The following MYO3B variants were observed in gnomAD, a reference collection of about 807,000 sequenced individuals.
MYO3B encodes the protein myosin-IIIb.
MYO3B carries 156 observed loss-of-function variants against 174.6 expected under a neutral mutation model. The ratio of observed to expected loss-of-function variants is 0.89; its 90% confidence interval spans 0.78 to 1.02. The LOEUF is 1.02. MYO3B is among the 50% of genes least tolerant of loss of function. MYO3B has a pLI of 0.00. For missense variants in MYO3B, 1,632 were observed against 1,639.4 expected (o/e 1.00, Z 0.08); for synonymous variants, 563 against 569.1 (o/e 0.99, Z 0.15).
chr2:170,459,831 G>T (rs1684147687), intron 23 of MYO3B, among the ~76,000 whole-genome samples: 1 of 152,164 alleles, frequency 6.6e-6, no homozygotes, highest in African/African-American at 2.4e-5. Context: ...GTGGGCAGGT[G>T]GGGGACCTGG....
intron 8 of MYO3B, among the ~76,000 whole-genome samples, chr2:170,366,073 G>A (rs2094195841): frequency 6.6e-6 from 1 of 152,116 alleles, no homozygotes; most frequent in Non-Finnish European, 1.5e-5. Flanking sequence ...CTTTTTGCAT[G>A]CAGTGGTGGT....
At chr2:170,561,585 A>G (rs1691714690) in intron 32 of MYO3B, among the ~76,000 whole-genome samples, 1 of 152,226 alleles carries the variant, frequency 6.6e-6, no homozygotes, top group Admixed American at 6.5e-5. Context: ...TCATGTTCCC[A>G]TCAGGATCTG....
intron 6 of MYO3B, 106 bp from the exon 7 acceptor site, chr2:170,235,885 C>T (rs1213110408): frequency 1.3e-5 from 17 of 1,350,962 alleles, no homozygotes; most frequent in Admixed American, 1.2e-4. Flanking sequence ...TCAATATCAT[C>T]GTGGCCAAGA....
At chr2:170,185,720 A>G (rs947478977) in intron 1 of MYO3B, among the ~76,000 whole-genome samples, 1 of 152,184 alleles carries the variant, frequency 6.6e-6, no homozygotes, top group African/African-American at 2.4e-5. Context: ...TTGAATCTGT[A>G]GATTGCTTTG....
intron 32 of MYO3B, among the ~76,000 whole-genome samples, chr2:170,580,375 T>C (rs1330230549): frequency 6.6e-6 from 1 of 152,248 alleles, no homozygotes; most frequent in Non-Finnish European, 1.5e-5. Context: ...CAGTGGCTCA[T>C]GCCTGTAATC....
At chr2:170,424,074 A>G (rs1489632793) in intron 22 of MYO3B, among the ~76,000 whole-genome samples, 1 of 152,342 alleles carries the variant, frequency 6.6e-6, no homozygotes, top group South Asian at 2.1e-4. Flanking sequence ...TGAATATCCA[A>G]TAGGTATCTT....
chr2:170,217,223 A>C, intron 5 of MYO3B, 96 bp from the exon 6 acceptor site: 2 of 1,012,716 alleles, frequency 2.0e-6, no homozygotes, highest in Non-Finnish European at 3.2e-6. Context: ...CACAAAGCCT[A>C]AAGTACTTAT....
At chr2:170,219,078 A>G (rs1251855842) in intron 6 of MYO3B, among the ~76,000 whole-genome samples, 1 of 152,182 alleles carries the variant, frequency 6.6e-6, no homozygotes, top group Non-Finnish European at 1.5e-5. Context: ...CTATTATATC[A>G]TCTGGAATGG....
At chr2:170,646,952 C>A in intron 32 of MYO3B, 1 of 1,334,944 alleles carries the variant, frequency 7.5e-7, no homozygotes, top group Non-Finnish European at 1.0e-6. Flanking sequence ...ATATATCTTT[C>A]AATTGTTTTT....
At chr2:170,327,316 T>C (rs963050922) in intron 7 of MYO3B, among the ~76,000 whole-genome samples, 3 of 152,170 alleles carry the variant, frequency 2.0e-5, no homozygotes, top group African/African-American at 7.2e-5. Flanking sequence ...ACCCAGGAGA[T>C]GGAGATTGAA....
chr2:170,381,893 TC>T (rs892165060), intron 9 of MYO3B, 122 bp from the exon 10 acceptor site: 3 of 740,924 alleles, frequency 4.0e-6, no homozygotes, highest in African/African-American at 1.7e-5. Flanking sequence ...GGACTTCCTG[TC>T]CCTGTCTCTG....
intron 16 of MYO3B, among the ~76,000 whole-genome samples, chr2:170,399,257 AAAAAAAAAAGAGAG>A (rs1386085310): frequency 2.4e-5 from 3 of 123,732 alleles, no homozygotes; most frequent in Non-Finnish European, 3.5e-5. Context: ...AAAAAAAAAA[AAAAAAAAAAGAGAG>A]AGACCAGTCT....
intron 7 of MYO3B, among the ~76,000 whole-genome samples, chr2:170,240,354 G>A (rs2093117573): frequency 6.6e-6 from 1 of 152,138 alleles, no homozygotes; most frequent in East Asian, 1.9e-4. Context: ...CTAACTGTGG[G>A]GCAGGTACAG....
intron 7 of MYO3B, among the ~76,000 whole-genome samples, chr2:170,327,556 A>G (rs1404580745): frequency 2.1e-5 from 3 of 140,334 alleles, no homozygotes; most frequent in African/African-American, 7.6e-5. Flanking sequence ...ATCTAGGAGC[A>G]TTTTGTCTTT....
intron 30 of MYO3B, among the ~76,000 whole-genome samples, chr2:170,537,074 G>A (rs992524878): frequency 5.7e-4 from 86 of 151,772 alleles, no homozygotes; most frequent in Admixed American, 3.4e-3. Context: ...GGTGGTGGGC[G>A]CTTGTAATCC....
chr2:170,543,055 G>C, intron 31 of MYO3B, 89 bp downstream of exon 31: 1 of 1,063,640 alleles, frequency 9.4e-7, no homozygotes, highest in Non-Finnish European at 1.4e-6. Flanking sequence ...CTGCGGCTGC[G>C]TGGTTGGACC....
At chr2:170,240,121 T>TG (rs2093114784) in intron 7 of MYO3B, among the ~76,000 whole-genome samples, 1 of 152,208 alleles carries the variant, frequency 6.6e-6, no homozygotes, top group African/African-American at 2.4e-5. Context: ...TAATTTCATC[T>TG]GGGGATCCTT....
At chr2:170,505,646 T>C (rs1687578808) in intron 28 of MYO3B, among the ~76,000 whole-genome samples, 1 of 152,176 alleles carries the variant, frequency 6.6e-6, no homozygotes, top group Admixed American at 6.5e-5. Flanking sequence ...ACATGTAATA[T>C]CTCATTCATT....
intron 33 of MYO3B, 56 bp downstream of exon 33, chr2:170,651,790 T>A (rs754977479): frequency 1.4e-6 from 2 of 1,446,778 alleles, no homozygotes; most frequent in Non-Finnish European, 1.9e-6. Flanking sequence ...AGTTAATAAT[T>A]CTGTTATTAC....
Sources: allele counts gnomAD v4.1 joint callset (sites outside exome capture counted in the v4.1 genomes callset), GRCh38; gene constraint gnomAD v4.1.1; transcripts MANE v1.5; gene names NCBI Gene and HGNC (gene_info 2026-07-23, HGNC 2026-07-21).